The following WDFY3 variants were observed in gnomAD, a reference collection of about 807,000 sequenced individuals.
WDFY3 encodes WD repeat and FYVE domain containing 3, also known as WD repeat and FYVE domain-containing protein 3.
A neutral mutation model predicts 409.6 loss-of-function variants in WDFY3; 66 were observed. The observed-to-expected ratio is 0.16, with a 90% CI of 0.13 to 0.20. WDFY3 has a LOEUF of 0.20. Among genes scored for constraint, WDFY3 ranks in the 10% least tolerant of loss-of-function variants. The probability of loss-of-function intolerance (pLI) is 1.00; values close to 1 mark genes in which losing one functional copy is unlikely to be tolerated. For synonymous variants in WDFY3, 1,521 were observed against 1,537.1 expected (o/e 0.99, Z 0.25); for missense variants, 3,031 against 4,298.1 (o/e 0.71, Z 8.24).
chr4:84,737,948 A>C (rs909716858), intron 40 of WDFY3, among the ~76,000 whole-genome samples: 4 of 152,252 alleles, frequency 2.6e-5, no homozygotes, highest in African/African-American at 9.6e-5. Context: ...CTGCTTTTCT[A>C]CCAAGTTCCC....
intron 49 of WDFY3, among the ~76,000 whole-genome samples, chr4:84,715,776 G>GAAA (rs370627075): frequency 0.015 from 547 of 36,456 alleles, no homozygotes; most frequent in East Asian, 0.021. Flanking sequence ...CTCTGTCTCA[G>GAAA]AAAAAAAAAA....
intron 1 of WDFY3, among the ~76,000 whole-genome samples, chr4:84,944,619 T>C (rs1772574197): frequency 1.3e-5 from 2 of 148,224 alleles, no homozygotes; most frequent in African/African-American, 5.0e-5. Flanking sequence ...AGGTCAAGAG[T>C]TCAAGGCCAG....
intron 4 of WDFY3, among the ~76,000 whole-genome samples, chr4:84,853,912 T>C (rs915131829): frequency 1.1e-4 from 16 of 152,176 alleles, no homozygotes; most frequent in Non-Finnish European, 2.2e-4. Flanking sequence ...TGCCAGGCAA[T>C]GTTCGAAGGG....
chr4:84,720,668 T>C (rs1318600331), intron 47 of WDFY3, among the ~76,000 whole-genome samples: 1 of 152,206 alleles, frequency 6.6e-6, no homozygotes, highest in Non-Finnish European at 1.5e-5. Flanking sequence ...TAAAGCTTTC[T>C]AAGGCCTCAT....
At chr4:84,940,153 A>G (rs1579215474) in intron 1 of WDFY3, among the ~76,000 whole-genome samples, 1 of 152,032 alleles carries the variant, frequency 6.6e-6, no homozygotes, top group East Asian at 1.9e-4. Context: ...TCAATCCCCA[A>G]TACACCTAAA....
rs1227867031 is a variant in WDFY3, at chr4:84,673,058, T to C, written c.10458-67A>G. Reference sequence around the variant, plus strand: ...TGCTTGATCATGGGCACCGGAAACATTAATAATCGAATGGAAAGCTTGCAG... The same window carrying C: ...TGCTTGATCATGGGCACCGGAAACACTAATAATCGAATGGAAAGCTTGCAG... On this transcript the variant is annotated intron_variant, in intron 67 of 67. Transcript: ENST00000295888. The C allele has an allele frequency of 4.4e-6, 7 of 1,597,490 alleles. No individual in the cohort carries two copies. The East Asian group carries it at 1.1e-4, about 26-fold the overall frequency.
chr4:84,844,033 A>T (rs1203297671), intron 5 of WDFY3, among the ~76,000 whole-genome samples: 1 of 152,200 alleles, frequency 6.6e-6, no homozygotes, highest in Non-Finnish European at 1.5e-5. Flanking sequence ...ATTTCAATAC[A>T]TATAGTTAGA....
At chr4:84,898,370 C>T (rs752969529) in intron 2 of WDFY3, among the ~76,000 whole-genome samples, 16 of 152,198 alleles carry the variant, frequency 1.1e-4, no homozygotes, top group Non-Finnish European at 1.8e-4. Flanking sequence ...TCAATTGCCA[C>T]ACCAGTGATT....
chr4:84,952,228 C>T (rs1435442134), intron 1 of WDFY3, among the ~76,000 whole-genome samples: 1 of 152,142 alleles, frequency 6.6e-6, no homozygotes, highest in Non-Finnish European at 1.5e-5. Flanking sequence ...GGTGGTTATG[C>T]AACCTAAGAC....
At chr4:84,934,130 T>C (rs1338209218) in intron 1 of WDFY3, among the ~76,000 whole-genome samples, 1 of 152,160 alleles carries the variant, frequency 6.6e-6, no homozygotes, top group African/African-American at 2.4e-5. Context: ...CTGATTTGCA[T>C]TCCTATCAAC....
chr4:84,957,249 T>A (rs1774348989), intron 1 of WDFY3, among the ~76,000 whole-genome samples: 1 of 149,120 alleles, frequency 6.7e-6, no homozygotes. Context: ...TACAAAGTAT[T>A]TCATATACCA....
At chr4:84,684,198 A>T in intron 62 of WDFY3, 73 bp from the exon 63 acceptor site, 1 of 1,407,360 alleles carries the variant, frequency 7.1e-7, no homozygotes, top group Non-Finnish European at 9.5e-7. Context: ...AGCAAATTGA[A>T]TCCCTGGCCT....
At chr4:84,861,150 G>C (rs1246660695) in intron 3 of WDFY3, among the ~76,000 whole-genome samples, 1 of 152,168 alleles carries the variant, frequency 6.6e-6, no homozygotes, top group Non-Finnish European at 1.5e-5. Context: ...GGTTAAGGCT[G>C]CAGTGAGCCA....
chr4:84,676,573 T>A (rs1182160584), intron 67 of WDFY3, among the ~76,000 whole-genome samples: 1 of 151,890 alleles, frequency 6.6e-6, no homozygotes, highest in African/African-American at 2.4e-5. Context: ...ATTGTAGCAT[T>A]ATTTATAGTA....
chr4:84,682,931 G>A (rs1245088674), intron 63 of WDFY3: 1 of 158,452 alleles, frequency 6.3e-6, no homozygotes, highest in Non-Finnish European at 1.4e-5. Flanking sequence ...TCAGTAAGCC[G>A]AGATTGCACC....
At chr4:84,876,550 A>T (rs2150359023) in intron 3 of WDFY3, among the ~76,000 whole-genome samples, 1 of 152,284 alleles carries the variant, frequency 6.6e-6, no homozygotes, top group South Asian at 2.1e-4. Flanking sequence ...TATTACTGTT[A>T]TTCTACCGTA....
At chr4:84,841,077 G>T (rs1013372189) in intron 6 of WDFY3, 77 bp downstream of exon 6, 12 of 1,150,324 alleles carry the variant, frequency 1.0e-5, no homozygotes, top group African/African-American at 1.6e-5. Context: ...ATATAATGAT[G>T]AATTTAATAA....
At chr4:84,954,302 A>G (rs1473364803) in intron 1 of WDFY3, among the ~76,000 whole-genome samples, 5 of 152,188 alleles carry the variant, frequency 3.3e-5, no homozygotes, top group Non-Finnish European at 5.9e-5. Context: ...TTATTAAGCA[A>G]TCAATACACA....
At chr4:84,814,577 C>CAT (rs1310950300) in intron 13 of WDFY3, among the ~76,000 whole-genome samples, 1 of 152,104 alleles carries the variant, frequency 6.6e-6, no homozygotes, top group Non-Finnish European at 1.5e-5. Context: ...GTCCAGTGTA[C>CAT]ATATGCTGCA....
Sources: gnomAD v4.1 joint callset for allele counts (sites outside exome capture counted in the v4.1 genomes callset) on GRCh38, gnomAD v4.1.1 for gene constraint, MANE v1.5 for transcripts, NCBI Gene and HGNC (gene_info 2026-07-23, HGNC 2026-07-21) for gene names.